Variants in SORCS3 observed in about 807,000 individuals in gnomAD.
SORCS3 encodes the protein VPS10 domain-containing receptor SorCS3.
In SORCS3, 57 loss-of-function variants were observed where a neutral mutation model predicts 146.3. The observed-to-expected ratio is 0.39, with a 90% CI of 0.31 to 0.49. The LOEUF (loss-of-function observed/expected upper bound fraction) is 0.49. Ranked by LOEUF, SORCS3 falls within the 20% of genes least tolerant of loss-of-function variation. The pLI is 0.92. For synonymous variants in SORCS3, 653 were observed against 618.5 expected, an observed-to-expected ratio of 1.06 and a Z score of -0.83; for missense variants, 1,341 against 1,575.5, an observed-to-expected ratio of 0.85 and a Z score of 2.52.
intron 1 of SORCS3, among the ~76,000 whole-genome samples, chr10:104,841,070 G>A (rs2018134723): frequency 6.6e-6 from 1 of 152,210 alleles, no homozygotes; most frequent in Non-Finnish European, 1.5e-5. Flanking sequence ...GTATGTGTGT[G>A]TGTATACCAT....
intron 7 of SORCS3, among the ~76,000 whole-genome samples, chr10:105,115,337 C>A (rs769236166): frequency 5.3e-5 from 8 of 152,154 alleles, no homozygotes; most frequent in Non-Finnish European, 1.2e-4. Flanking sequence ...CTACAAAGCC[C>A]TACAAAATGC....
intron 2 of SORCS3, among the ~76,000 whole-genome samples, chr10:104,858,238 A>G (rs2018356315): frequency 6.6e-6 from 1 of 152,218 alleles, no homozygotes; most frequent in Admixed American, 6.5e-5. Flanking sequence ...AATCATTGTT[A>G]TGTTTTGGCA....
intron 4 of SORCS3, among the ~76,000 whole-genome samples, chr10:105,004,173 A>G (rs1181081180): frequency 1.3e-5 from 2 of 152,178 alleles, no homozygotes; most frequent in Non-Finnish European, 2.9e-5. Context: ...AGCATGGACT[A>G]TGTAGGAAGC....
intron 14 of SORCS3, among the ~76,000 whole-genome samples, chr10:105,195,133 T>C (rs1431787257): frequency 6.6e-6 from 1 of 152,198 alleles, no homozygotes; most frequent in Non-Finnish European, 1.5e-5. Context: ...TAGCTATCTC[T>C]TGGGCTTTAA....
chr10:104,747,796 C>T (rs1249827413), intron 1 of SORCS3, among the ~76,000 whole-genome samples: 1 of 152,228 alleles, frequency 6.6e-6, no homozygotes, highest in Non-Finnish European at 1.5e-5. Context: ...AAGGCAGTCT[C>T]CTGCCTCTGC....
intron 3 of SORCS3, among the ~76,000 whole-genome samples, chr10:104,922,256 TAA>T (rs751639181): frequency 6.6e-5 from 10 of 152,206 alleles, no homozygotes; most frequent in Non-Finnish European, 1.5e-4. Context: ...CCACAAATAT[TAA>T]AGTCTCTTAC....
At chr10:104,815,135 TAC>T (rs1222956552) in intron 1 of SORCS3, among the ~76,000 whole-genome samples, 1 of 152,164 alleles carries the variant, frequency 6.6e-6, no homozygotes. Flanking sequence ...CCCAGAGATT[TAC>T]AGTCAGTTAT....
chr10:104,986,755 G>A (rs1043048480), intron 4 of SORCS3, among the ~76,000 whole-genome samples: 1 of 152,196 alleles, frequency 6.6e-6, no homozygotes, highest in East Asian at 1.9e-4. Context: ...AGTAGATGGA[G>A]CATTAGGACA....
At chr10:105,121,402 C>G (rs886363629) in intron 7 of SORCS3, among the ~76,000 whole-genome samples, 2 of 151,946 alleles carry the variant, frequency 1.3e-5, no homozygotes, top group African/African-American at 2.4e-5. Flanking sequence ...AGGTAATCAC[C>G]CATGGTTGTA....
chr10:105,004,190 G>A (rs2055079333), intron 4 of SORCS3, among the ~76,000 whole-genome samples: 1 of 152,158 alleles, frequency 6.6e-6, no homozygotes. Context: ...AAGCCTGGCG[G>A]GGTTGGGGCC....
chr10:104,856,394 A>G (rs1245314605), intron 2 of SORCS3, among the ~76,000 whole-genome samples: 1 of 148,162 alleles, frequency 6.7e-6, no homozygotes, highest in African/African-American at 2.5e-5. Context: ...ATAGAAAGGG[A>G]GAGAGAGAGA....
At chr10:105,009,545 AAAAAAAC>A (rs1283120310) in intron 4 of SORCS3, among the ~76,000 whole-genome samples, 1 of 147,756 alleles carries the variant, frequency 6.8e-6, no homozygotes, top group Non-Finnish European at 1.5e-5. Flanking sequence ...AAAAAAAAAA[AAAAAAAC>A]CCCAAAAACT....
At chr10:104,990,047 CTGCCAATATT>C (rs1173318073) in intron 4 of SORCS3, among the ~76,000 whole-genome samples, 6 of 152,204 alleles carry the variant, frequency 3.9e-5, no homozygotes, top group Non-Finnish European at 2.9e-5. Flanking sequence ...TGATTTCTGA[CTGCCAATATT>C]TGCATTTCTT....
At chr10:105,121,506 C>T (rs1020920927) in intron 7 of SORCS3, among the ~76,000 whole-genome samples, 3 of 152,210 alleles carry the variant, frequency 2.0e-5, no homozygotes, top group Admixed American at 1.3e-4. Flanking sequence ...TTTCTCATTT[C>T]GTTTTTCTCT....
intron 7 of SORCS3, among the ~76,000 whole-genome samples, chr10:105,106,590 G>C (rs1320560098): frequency 6.6e-6 from 1 of 152,158 alleles, no homozygotes; most frequent in Non-Finnish European, 1.5e-5. Context: ...TTGCATATCA[G>C]GGGTGCTCAG....
intron 20 of SORCS3, among the ~76,000 whole-genome samples, chr10:105,225,415 C>A (rs533277976): frequency 6.6e-6 from 1 of 151,802 alleles, no homozygotes; most frequent in African/African-American, 2.4e-5. Flanking sequence ...TATTTCTGGG[C>A]TATTTATTTG....
At chr10:104,684,244 G>A (rs1056229055) in intron 1 of SORCS3, among the ~76,000 whole-genome samples, 1 of 152,204 alleles carries the variant, frequency 6.6e-6, no homozygotes, top group Non-Finnish European at 1.5e-5. Context: ...TAGGGTGGCT[G>A]CGAGGATTAA....
chr10:105,102,367 T>C (rs1157818305), intron 6 of SORCS3, among the ~76,000 whole-genome samples: 1 of 152,200 alleles, frequency 6.6e-6, no homozygotes, highest in Non-Finnish European at 1.5e-5. Flanking sequence ...AATGAGATCA[T>C]GTCCTTTGCA....
At chr10:104,886,224 T>C (rs1032786749) in intron 2 of SORCS3, among the ~76,000 whole-genome samples, 2 of 152,140 alleles carry the variant, frequency 1.3e-5, no homozygotes, top group African/African-American at 4.8e-5. Context: ...TATTTTGGGG[T>C]ACATGATACA....
Sources: allele counts gnomAD v4.1 joint callset (sites outside exome capture counted in the v4.1 genomes callset), GRCh38; gene constraint gnomAD v4.1.1; transcripts MANE v1.5; gene names NCBI Gene and HGNC (gene_info 2026-07-23, HGNC 2026-07-21).